Variants in DRC4 observed in about 807,000 individuals in gnomAD.
DRC4 encodes GAS-11.
At chr16:90,027,539 C>T in the DRC4 span, 1 of 1,264,790 alleles carries the variant, frequency 7.9e-7, no homozygotes, top group African/African-American at 1.5e-5. Context: ...AGAGAGGTTC[C>T]AGAACCTTCT....
At chr16:90,021,105 T>C in the DRC4 span, among the ~76,000 whole-genome samples, 1 of 152,234 alleles carries the variant, frequency 6.6e-6, no homozygotes, top group Non-Finnish European at 1.5e-5. Flanking sequence ...AAATCACTGC[T>C]TTGTGCAAGC....
the DRC4 span, chr16:90,027,807 C>T: frequency 1.6e-6 from 2 of 1,233,362 alleles, no homozygotes; most frequent in East Asian, 2.4e-5. Flanking sequence ...TCCATCTTGC[C>T]ATGTGGATCC....
chr16:90,043,478 C>T, the DRC4 span: 8 of 927,556 alleles, frequency 8.6e-6, no homozygotes, highest in Admixed American at 5.6e-5. Context: ...ATGTTCTTGC[C>T]ATCCTCTTTC....
chr16:90,043,118 C>T, the DRC4 span: 3 of 1,490,334 alleles, frequency 2.0e-6, no homozygotes, highest in Non-Finnish European at 2.7e-6. Context: ...CACGCTGCCC[C>T]TCCATGGAGC....
At chr16:90,043,582 G>T in the DRC4 span, 3 of 610,618 alleles carry the variant, frequency 4.9e-6, no homozygotes, top group Non-Finnish European at 9.1e-6. Flanking sequence ...CCTGTGTCCA[G>T]GCCTACTCCC....
the DRC4 span, among the ~76,000 whole-genome samples, chr16:90,027,175 CCCCAG>C: frequency 6.7e-6 from 1 of 149,584 alleles, no homozygotes; most frequent in Non-Finnish European, 1.5e-5. Flanking sequence ...AAACTCCATG[CCCCAG>C]GTTCAAGCCA....
chr16:90,037,854 T>C, the DRC4 span: 2 of 1,612,764 alleles, frequency 1.2e-6, no homozygotes, highest in Admixed American at 1.7e-5. Context: ...CCAAGGTGAG[T>C]GGCACCACGC....
At chr16:90,022,594 C>T in the DRC4 span, 4 of 1,103,960 alleles carry the variant, frequency 3.6e-6, no homozygotes, top group Non-Finnish European at 2.4e-6. Context: ...AGGGCCGCTG[C>T]CCGGCGGAGT....
chr16:90,031,135 C>T, the DRC4 span: 1 of 1,473,316 alleles, frequency 6.8e-7, no homozygotes, highest in Non-Finnish European at 9.1e-7. Flanking sequence ...CATTCTGTCT[C>T]CGGAGCTTCC....
the DRC4 span, chr16:90,036,763 A>C: frequency 1.4e-6 from 1 of 714,156 alleles, no homozygotes; most frequent in African/African-American, 1.7e-5. Flanking sequence ...AACGTAACCT[A>C]TCTCTACCTA....
chr16:90,042,668 A>C, the DRC4 span: 1 of 718,316 alleles, frequency 1.4e-6, no homozygotes, highest in Non-Finnish European at 2.4e-6. Context: ...CACTGTCCCC[A>C]CGTGAGGGTG....
At chr16:90,044,533 C>T in the DRC4 span, 2 of 471,272 alleles carry the variant, frequency 4.2e-6, no homozygotes, top group Admixed American at 4.7e-5. Flanking sequence ...TTCCTGCCCC[C>T]TCTTCCTCCA....
At chr16:90,028,264 G>A in the DRC4 span, among the ~76,000 whole-genome samples, 13 of 137,982 alleles carry the variant, frequency 9.4e-5, no homozygotes, top group Admixed American at 4.1e-4. Context: ...GGCTCACTGT[G>A]AGCTCCACCT....
the DRC4 span, among the ~76,000 whole-genome samples, chr16:90,042,133 G>C: frequency 6.6e-6 from 1 of 151,814 alleles, no homozygotes; most frequent in Non-Finnish European, 1.5e-5. Flanking sequence ...ACGGGGTTTC[G>C]CCACGTTGGC....
the DRC4 span, chr16:90,035,592 T>C: frequency 6.2e-7 from 1 of 1,613,912 alleles, no homozygotes; most frequent in African/African-American, 1.3e-5. Flanking sequence ...GGCTTCCCTC[T>C]GTGTCCGGCT....
the DRC4 span, chr16:90,043,729 T>C: frequency 6.2e-6 from 3 of 481,740 alleles, no homozygotes; most frequent in Non-Finnish European, 1.3e-5. Context: ...TTGCAGGTGC[T>C]GGCACTAACT....
At chr16:90,039,484 C>G in the DRC4 span, among the ~76,000 whole-genome samples, 1 of 41,106 alleles carries the variant, frequency 2.4e-5, no homozygotes, top group Non-Finnish European at 4.1e-5. Flanking sequence ...CTCCTGGGTT[C>G]AAGTGATACT....
At chr16:90,023,366 C>T in the DRC4 span, among the ~76,000 whole-genome samples, 1 of 152,126 alleles carries the variant, frequency 6.6e-6, no homozygotes, top group Non-Finnish European at 1.5e-5. Flanking sequence ...CTCATCAGCT[C>T]CATGTCTGTC....
the DRC4 span, chr16:90,043,455 G>A: frequency 8.9e-7 from 1 of 1,123,678 alleles, no homozygotes; most frequent in Non-Finnish European, 1.2e-6. Flanking sequence ...ATCAGCAAAT[G>A]AAAGCTTTTC....
Sources: allele counts gnomAD v4.1 joint callset (sites outside exome capture counted in the v4.1 genomes callset), GRCh38; gene constraint gnomAD v4.1.1; transcripts MANE v1.5; gene names NCBI Gene and HGNC (gene_info 2026-07-23, HGNC 2026-07-21).